Variants in LRMDA observed in about 807,000 individuals in gnomAD.
LRMDA encodes the protein leucine rich melanocyte differentiation associated.
LRMDA carries 18 observed loss-of-function variants against 29.8 expected under a neutral mutation model. That is an observed-to-expected ratio of 0.60 (90% CI 0.42 to 0.90). The LOEUF (loss-of-function observed/expected upper bound fraction) is 0.90, where lower values mean the gene tolerates loss of function less well. Among genes scored for constraint, LRMDA ranks in the 40% least tolerant of loss-of-function variants. LRMDA has a pLI of 0.00. For missense variants in LRMDA, 273 were observed against 273.9 expected, an observed-to-expected ratio of 1.00 and a Z score of 0.02; for synonymous variants, 125 against 109.4, an observed-to-expected ratio of 1.14 and a Z score of -0.89.
intron 2 of LRMDA, among the ~76,000 whole-genome samples, chr10:75,800,341 T>C (rs1295202916): frequency 6.6e-6 from 1 of 152,182 alleles, no homozygotes; most frequent in Non-Finnish European, 1.5e-5. Context: ...TTTTATCCTA[T>C]TACTTTCAAC....
intron 5 of LRMDA, among the ~76,000 whole-genome samples, chr10:76,194,316 G>A (rs1851297031): frequency 6.6e-6 from 1 of 152,144 alleles, no homozygotes; most frequent in South Asian, 2.1e-4. Flanking sequence ...AAAATGGAAG[G>A]GAAAATCTGA....
chr10:75,795,846 T>C (rs1339692206), intron 2 of LRMDA, among the ~76,000 whole-genome samples: 2 of 152,238 alleles, frequency 1.3e-5, no homozygotes, highest in African/African-American at 2.4e-5. Flanking sequence ...TGTTGATATC[T>C]TAAGTTTTTC....
At chr10:75,584,087 C>T (rs1840628145) in intron 2 of LRMDA, among the ~76,000 whole-genome samples, 1 of 152,180 alleles carries the variant, frequency 6.6e-6, no homozygotes, top group African/African-American at 2.4e-5. Context: ...CTTCCCTGCC[C>T]TCATTCAGAC....
intron 2 of LRMDA, among the ~76,000 whole-genome samples, chr10:75,777,946 C>T (rs1366200632): frequency 1.3e-5 from 2 of 152,152 alleles, no homozygotes; most frequent in African/African-American, 4.8e-5. Flanking sequence ...TATATATTCA[C>T]ACAATTATAA....
At chr10:75,680,080 A>C (rs995104107) in intron 2 of LRMDA, among the ~76,000 whole-genome samples, 1 of 152,244 alleles carries the variant, frequency 6.6e-6, no homozygotes, top group Non-Finnish European at 1.5e-5. Flanking sequence ...GCTTTGCCCC[A>C]TTGCAAGGTG....
intron 2 of LRMDA, among the ~76,000 whole-genome samples, chr10:75,796,172 T>C (rs1006309061): frequency 5.7e-5 from 6 of 105,530 alleles, no homozygotes; most frequent in African/African-American, 1.6e-4. Flanking sequence ...ATTTTATGTA[T>C]TTTTTTCTTG....
intron 5 of LRMDA, among the ~76,000 whole-genome samples, chr10:76,089,900 C>G (rs1422434597): frequency 6.6e-6 from 1 of 152,178 alleles, no homozygotes; most frequent in East Asian, 1.9e-4. Context: ...CCCATTAACT[C>G]ACTAACTGAA....
chr10:76,448,823 T>G (rs1842378087), intron 6 of LRMDA, among the ~76,000 whole-genome samples: 1 of 139,994 alleles, frequency 7.1e-6, no homozygotes, highest in South Asian at 2.1e-4. Context: ...TTAATTTTAG[T>G]AATCTCCTGT....
At chr10:76,031,804 G>A (rs193294300) in intron 2 of LRMDA, among the ~76,000 whole-genome samples, 1 of 152,020 alleles carries the variant, frequency 6.6e-6, no homozygotes, top group East Asian at 1.9e-4. Context: ...TTTCTTGATT[G>A]GTTTGAGAAC....
chr10:75,829,461 T>G lies in LRMDA; in HGVS notation c.132-206547T>G, dbSNP rs117097037. Among the ~76,000 whole-genome samples, 106 of 152,282 alleles carry G rather than the reference T, an allele frequency of 7.0e-4. No homozygotes were observed. The East Asian group carries it at 7.7e-3, about 11-fold the overall frequency. On this transcript the variant is annotated intron_variant, in intron 2 of 6. Coordinates refer to ENST00000611255, the MANE Select transcript of LRMDA (RefSeq NM_001305581.2). ...GAATGCAGTTTTAAAAATCACTTTTTGGAAAGAAAAAAGGAAAAATTCTAG... is the reference window on the plus strand; with the variant it reads ...GAATGCAGTTTTAAAAATCACTTTTGGGAAAGAAAAAAGGAAAAATTCTAG...
chr10:75,577,260 C>T (rs752358345), intron 2 of LRMDA, among the ~76,000 whole-genome samples: 16 of 151,610 alleles, frequency 1.1e-4, no homozygotes, highest in Non-Finnish European at 1.9e-4. Flanking sequence ...TATCAATAGC[C>T]GAATCAATCA....
At chr10:76,404,528 T>C (rs929379832) in intron 6 of LRMDA, among the ~76,000 whole-genome samples, 8 of 152,182 alleles carry the variant, frequency 5.3e-5, no homozygotes, top group Admixed American at 4.6e-4. Flanking sequence ...CTTCCCTGGC[T>C]CATTCCACTA....
intron 6 of LRMDA, among the ~76,000 whole-genome samples, chr10:76,326,292 C>G (rs925332908): frequency 1.3e-5 from 2 of 152,190 alleles, no homozygotes; most frequent in Non-Finnish European, 1.5e-5. Flanking sequence ...TTGGCTTGAA[C>G]CAACTTGGCT....
intron 2 of LRMDA, among the ~76,000 whole-genome samples, chr10:75,633,948 TA>T (rs1330021468): frequency 1.3e-5 from 2 of 152,260 alleles, no homozygotes; most frequent in African/African-American, 4.8e-5. Flanking sequence ...TTACGTGTTT[TA>T]TTTGGAAGCA....
chr10:76,351,251 A>G (rs1003398460), intron 6 of LRMDA, among the ~76,000 whole-genome samples: 1 of 152,152 alleles, frequency 6.6e-6, no homozygotes, highest in Non-Finnish European at 1.5e-5. Context: ...AGGATGCTTC[A>G]GCTACCTTCC....
intron 2 of LRMDA, among the ~76,000 whole-genome samples, chr10:75,692,245 TATAC>T (rs1564541604): frequency 2.3e-5 from 3 of 127,752 alleles, no homozygotes; most frequent in African/African-American, 5.6e-5. Flanking sequence ...TATATATATA[TATAC>T]ATATATATAT....
intron 2 of LRMDA, among the ~76,000 whole-genome samples, chr10:75,670,384 G>T (rs1841876528): frequency 7.3e-6 from 1 of 136,730 alleles, no homozygotes; most frequent in South Asian, 2.1e-4. Flanking sequence ...TCTAACCAGA[G>T]CATTTTTTTT....
At chr10:75,896,343 A>G (rs1845581602) in intron 2 of LRMDA, among the ~76,000 whole-genome samples, 1 of 152,196 alleles carries the variant, frequency 6.6e-6, no homozygotes, top group African/African-American at 2.4e-5. Flanking sequence ...TGGGTTGATG[A>G]TGATGATTAT....
Position 76,363,176 on chromosome 10 carries a change from A to AGAAAGAAAGAG in LRMDA, c.601+38692_601+38693insAAAGAAAGAGG, listed in dbSNP as rs1459442138. Among the ~76,000 whole-genome samples the AGAAAGAAAGAG allele has an allele frequency of 6.4e-3, 140 of 21,798 alleles. 11 individuals carry two copies. Among genetic ancestry groups the AGAAAGAAAGAG allele is most frequent in the African/African-American group, 0.015 (106 of 6,900 alleles). 14.3% of individuals were successfully genotyped at this position (21,798 alleles called of 152,430 possible). On this transcript the variant is annotated intron_variant, in intron 6 of 6. Coordinates refer to ENST00000611255, the MANE Select transcript of LRMDA (RefSeq NM_001305581.2). Reference sequence around the variant, plus strand: ...AAGAAAGAAAGAAAGAAAGAAAGAAAGGAGGGAGGGAGGGAGGGAGGGAGG... The same window carrying AGAAAGAAAGAG: ...AAGAAAGAAAGAAAGAAAGAAAGAAAGAAAGAAAGAGGGAGGGAGGGAGGGAGGGAGGGAGG...
Sources: gnomAD v4.1 joint callset for allele counts (sites outside exome capture counted in the v4.1 genomes callset) on GRCh38, gnomAD v4.1.1 for gene constraint, MANE v1.5 for transcripts, NCBI Gene and HGNC (gene_info 2026-07-23, HGNC 2026-07-21) for gene names.